Variants in DOCK11 observed in about 807,000 individuals in gnomAD.
DOCK11 encodes dedicator of cytokinesis 11.
A neutral mutation model predicts 169.1 loss-of-function variants in DOCK11; 70 were observed. The observed-to-expected ratio is 0.41, with a 90% confidence interval of 0.34 to 0.51. The LOEUF is 0.51. Ranked by LOEUF, DOCK11 falls within the 20% of genes least tolerant of loss-of-function variation. DOCK11 has a pLI of 0.10. For synonymous variants in DOCK11, 529 were observed against 541.3 expected (o/e 0.98, Z 0.32); for missense variants, 1,166 against 1,538.8 (o/e 0.76, Z 4.05).
At chrX:118,582,746 G>A in intron 14 of DOCK11, among the ~76,000 whole-genome samples, 1 of 111,718 alleles carries the variant, frequency 9.0e-6, no homozygotes. Flanking sequence ...TCTCATGCTA[G>A]TTAGAATGGC....
chrX:118,564,957 G>T (rs1384195031), intron 7 of DOCK11, among the ~76,000 whole-genome samples: 4 of 109,234 alleles, frequency 3.7e-5, no homozygotes, highest in African/African-American at 1.3e-4. Flanking sequence ...TTTTTTTGAG[G>T]CAGGATCTCA....
At chrX:118,513,503 T>C (rs1387335955) in intron 1 of DOCK11, among the ~76,000 whole-genome samples, 4 of 112,179 alleles carry the variant, frequency 3.6e-5, no homozygotes, top group South Asian at 3.7e-4. Flanking sequence ...TGGTTCCAGC[T>C]ACTCGGGAGG....
chrX:118,658,458 C>G (rs1478742990), intron 44 of DOCK11, among the ~76,000 whole-genome samples: 1 of 112,279 alleles, frequency 8.9e-6, no homozygotes, highest in Non-Finnish European at 1.9e-5. Context: ...GGGGCCCTTG[C>G]CCCTCAAAGG....
At chrX:118,568,370 T>TTATATATATATATATA (rs397839351) in intron 10 of DOCK11, among the ~76,000 whole-genome samples, 2 of 36,758 alleles carry the variant, frequency 5.4e-5, no homozygotes, top group Non-Finnish European at 9.9e-5. Flanking sequence ...TGGGGCTGAA[T>TTATATATATATATATA]TATATATATA....
intron 12 of DOCK11, among the ~76,000 whole-genome samples, chrX:118,575,530 T>A (rs1421258252): frequency 1.8e-5 from 2 of 112,227 alleles, no homozygotes; most frequent in African/African-American, 6.5e-5. Flanking sequence ...TTTATATAGA[T>A]GATCAAACAT....
intron 33 of DOCK11, 106 bp downstream of exon 33, chrX:118,627,685 G>T: frequency 1.1e-5 from 6 of 570,487 alleles, no homozygotes; most frequent in Non-Finnish European, 1.7e-5. Flanking sequence ...TACATAGCTT[G>T]ATCTCTACTA....
chrX:118,547,778 G>C (rs146070597), intron 6 of DOCK11, among the ~76,000 whole-genome samples: 113 of 112,507 alleles, frequency 1.0e-3, no homozygotes, highest in African/African-American at 3.5e-3. Flanking sequence ...AATATATTTC[G>C]TGCCAGAGTT....
chrX:118,658,049 G>A (rs1241886537), intron 44 of DOCK11, among the ~76,000 whole-genome samples: 1 of 111,395 alleles, frequency 9.0e-6, no homozygotes, highest in Non-Finnish European at 1.9e-5. Context: ...GATAAGACCC[G>A]GCAGTTGACA....
intron 23 of DOCK11, among the ~76,000 whole-genome samples, chrX:118,603,893 T>G (rs2147448964): frequency 8.9e-6 from 1 of 112,393 alleles, no homozygotes; most frequent in East Asian, 2.8e-4. Flanking sequence ...AAACCAGAGA[T>G]ACCAGTTTGG....
chrX:118,620,090 A>T (rs1175898729), intron 31 of DOCK11, among the ~76,000 whole-genome samples: 1 of 111,177 alleles, frequency 9.0e-6, no homozygotes, highest in Non-Finnish European at 1.9e-5. Flanking sequence ...TGCTGGGATT[A>T]CAGGCGTGAG....
At chrX:118,626,254 A>T (rs1459537298) in intron 32 of DOCK11, among the ~76,000 whole-genome samples, 2 of 59,020 alleles carry the variant, frequency 3.4e-5, no homozygotes, top group Non-Finnish European at 7.3e-5. Flanking sequence ...CTTTTAGTAG[A>T]GACGGGGGGT....
chrX:118,646,053 C>CAAAA (rs754457760), intron 40 of DOCK11, among the ~76,000 whole-genome samples: 15 of 38,959 alleles, frequency 3.9e-4, no homozygotes, highest in South Asian at 1.9e-3. Context: ...GAGACTTCGT[C>CAAAA]AAAAAAAAAA....
intron 1 of DOCK11, among the ~76,000 whole-genome samples, chrX:118,520,279 C>T (rs1008376475): frequency 2.9e-4 from 33 of 112,072 alleles, no homozygotes; most frequent in Non-Finnish European, 3.4e-4. Context: ...TAGAATATTC[C>T]TTGGGGAAAT....
Position 118,654,557 on chromosome X carries a change from C to G in DOCK11, c.4696-45C>G, listed in dbSNP as rs764916688. 3 of 1,142,981 alleles carry G rather than the reference C, an allele frequency of 2.6e-6. No individual in the cohort carries two copies. In the Admixed American group the frequency reaches 6.6e-5, roughly 25 times the overall value. 94.2% of individuals were successfully genotyped at this position (1,142,981 alleles called of 1,213,427 possible). A position where few individuals can be genotyped will look rare whatever the true frequency, so the allele number is the denominator to read the frequency against. On this transcript the variant is annotated intron_variant, in intron 42 of 52. Transcript: ENST00000276202. The stretch of plus-strand genomic sequence containing the variant: ...TTGGATGACAAGCCTTAGAGCACAT[C>G]GATATTGTTGTTCAACTTGTCTTTT...
chrX:118,592,081 C>T (rs1456324793), intron 19 of DOCK11, among the ~76,000 whole-genome samples: 6 of 107,153 alleles, frequency 5.6e-5, no homozygotes, highest in Non-Finnish European at 1.2e-4. Context: ...TGAATAGTGC[C>T]GCAATAAACA....
intron 48 of DOCK11, among the ~76,000 whole-genome samples, chrX:118,677,765 C>T: frequency 8.9e-6 from 1 of 112,613 alleles, no homozygotes; most frequent in Non-Finnish European, 1.9e-5. Context: ...ACACTCTCTA[C>T]TTCTTTCCTT....
intron 12 of DOCK11, among the ~76,000 whole-genome samples, chrX:118,574,531 A>G (rs779980401): frequency 4.7e-4 from 53 of 111,742 alleles, no homozygotes; most frequent in Non-Finnish European, 8.5e-4. Flanking sequence ...ATCACGCTAC[A>G]CTGCACTCCA....
chrX:118,637,887 A>G (rs1331993816), intron 36 of DOCK11, among the ~76,000 whole-genome samples, 193 bp from the exon 37 acceptor site: 1 of 112,134 alleles, frequency 8.9e-6, no homozygotes, highest in Non-Finnish European at 1.9e-5. Flanking sequence ...ATGTAATTGT[A>G]GCAAATAAAT....
In DOCK11 at chrX:118,521,141, A is replaced by C. The variant is rs1460898613; in HGVS notation, c.103-21584A>C. Among the ~76,000 whole-genome samples the C allele has an allele frequency of 2.7e-5, 3 of 112,197 alleles. No homozygotes were observed. The East Asian group carries it at 8.3e-4, about 31-fold the overall frequency. On this transcript the variant is annotated intron_variant, in intron 1 of 52. Coordinates refer to ENST00000276202, the MANE Select transcript of DOCK11 (RefSeq NM_144658.4). ...AGGATGGAAGAAACATCTAGTTGGAAAGCAATAGAAGTTTTGGTCATATAG... is the reference window on the plus strand; with the variant it reads ...AGGATGGAAGAAACATCTAGTTGGACAGCAATAGAAGTTTTGGTCATATAG...
Sources: gnomAD v4.1 joint callset for allele counts (sites outside exome capture counted in the v4.1 genomes callset) on GRCh38, gnomAD v4.1.1 for gene constraint, MANE v1.5 for transcripts, NCBI Gene and HGNC (gene_info 2026-07-23, HGNC 2026-07-21) for gene names.